The following VIPR1 variants were observed in gnomAD, a reference collection of about 807,000 sequenced individuals.
The protein encoded by VIPR1 is vasoactive intestinal peptide receptor 1.
A neutral mutation model predicts 58.8 loss-of-function variants in VIPR1; 59 were observed. The ratio of observed to expected loss-of-function variants is 1.00; its 90% CI spans 0.81 to 1.25. VIPR1 has a LOEUF of 1.25. Among genes scored for constraint, VIPR1 ranks in the 50% most tolerant of loss-of-function variants. The probability of loss-of-function intolerance (pLI) is 0.00; values close to 1 mark genes in which losing one functional copy is unlikely to be tolerated. For synonymous variants in VIPR1, 251 were observed against 242.1 expected (o/e 1.04, Z -0.34); for missense variants, 626 against 602.7 (o/e 1.04, Z -0.40).
intron 3 of VIPR1, among the ~76,000 whole-genome samples, chr3:42,525,248 G>A (rs1288796715): frequency 6.6e-6 from 1 of 152,072 alleles, no homozygotes; most frequent in Non-Finnish European, 1.5e-5. Context: ...AAGCCTCTGA[G>A]GACAGTGGAC....
Position 42,527,376 on chromosome 3 carries a change from C to T in VIPR1, c.400-17C>T. ...CCCACCCCACCACCCAAGAGCCTCT[C>T]CCTGTCCCTCCAACAGCAGCAGACC... On this transcript the variant is annotated splice_polypyrimidine_tract_variant and intron_variant, in intron 4 of 12. Coordinates refer to ENST00000325123, the MANE Select transcript of VIPR1 (RefSeq NM_004624.4). 1.2e-6 allele frequency: 2 copies of T among 1,611,690 alleles called. No individual in the cohort carries two copies. The highest frequency in any genetic ancestry group is 1.7e-6 in the Non-Finnish European group (2 of 1,178,202).
At chr3:42,497,669 G>A (rs1339508534), upstream of VIPR1, among the ~76,000 whole-genome samples, 1 of 152,150 alleles carries the variant, frequency 6.6e-6, no homozygotes, top group Non-Finnish European at 1.5e-5. Flanking sequence ...CCTGGTGGGA[G>A]ATAATTGAAT....
At position 42,531,849 on chromosome 3, in the gene VIPR1, C is replaced by G; in HGVS notation, c.898C>G (p.Pro300Ala). 1.2e-6 allele frequency: 2 copies of G among 1,614,150 alleles called. No individual in the cohort carries two copies. The highest frequency in any genetic ancestry group is 3.3e-4 in the Middle Eastern group (2 of 6,062). The part of the protein sequence containing the change: ...NSSLWWIIKG[P>A]ILTSILVNFI... ...CTCACTGTGGTGGATCATAAAGGGCCCCATCCTCACCTCCATCTTGGTAAG... is the reference window on the plus strand; with the variant it reads ...CTCACTGTGGTGGATCATAAAGGGCGCCATCCTCACCTCCATCTTGGTAAG... The change falls in exon 9 of 13, where the codon CCC (proline) becomes GCC (alanine). Residue 300 changes from proline (P) to alanine (A), a missense_variant. By Grantham distance (27) the Pro-to-Ala change is conservative. Transcript: ENST00000325123.
At chr3:42,499,230 C>G (rs954010712), upstream of VIPR1, among the ~76,000 whole-genome samples, 11 of 42,646 alleles carry the variant, frequency 2.6e-4, no homozygotes, top group African/African-American at 5.4e-4. Context: ...ACTCTGTGGC[C>G]CCCCCAGCCC....
At chr3:42,492,691 G>A (rs540605239) in intron 1 of VIPR1, among the ~76,000 whole-genome samples, 51 of 152,348 alleles carry the variant, frequency 3.3e-4, no homozygotes, top group African/African-American at 1.2e-3. Flanking sequence ...CCAGGCATTT[G>A]TTTTCAAGTG....
intron 1 of VIPR1, among the ~76,000 whole-genome samples, chr3:42,503,185 G>A (rs1418941023): frequency 6.6e-6 from 1 of 152,158 alleles, no homozygotes; most frequent in Non-Finnish European, 1.5e-5. Flanking sequence ...TTGGTACACC[G>A]TAGGTGAGAG....
In VIPR1 at chr3:42,490,973, C is replaced by T. The variant is rs553268808; in HGVS notation, c.-245+1295C>T. Among the ~76,000 whole-genome samples the T allele has an allele frequency of 3.9e-5, 6 of 152,194 alleles. No individual in the cohort carries two copies. In the South Asian group the frequency reaches 6.2e-4, roughly 16 times the overall value. On this transcript the variant is annotated intron_variant, in intron 1 of 13. Coordinates refer to the VIPR1 transcript ENST00000433647. The stretch of plus-strand genomic sequence containing the variant: ...CATCACTCAGGGCCTGGTAAGCGCT[C>T]GGAACTAAGGAGCCACAGGATCTCG...
chr3:42,532,625 A>G, intron 10 of VIPR1: 1 of 522,914 alleles, frequency 1.9e-6, no homozygotes, highest in Non-Finnish European at 3.5e-6. Flanking sequence ...GACACCGATG[A>G]CCTGTGTCTT....
chr3:42,526,243 G>C (rs1559492649), intron 4 of VIPR1, among the ~76,000 whole-genome samples: 1 of 152,218 alleles, frequency 6.6e-6, no homozygotes, highest in Non-Finnish European at 1.5e-5. Flanking sequence ...AGCTCCCCCA[G>C]GCTGGGCCAC....
intron 9 of VIPR1, 107 bp from the exon 10 acceptor site, chr3:42,532,135 G>A (rs1005680969): frequency 2.5e-6 from 3 of 1,180,804 alleles, no homozygotes; most frequent in East Asian, 2.4e-5. Context: ...GTAAGATAGA[G>A]AGAGGGGCAG....
At chr3:42,529,025 G>A (rs1701386167) in intron 6 of VIPR1, among the ~76,000 whole-genome samples, 1 of 152,180 alleles carries the variant, frequency 6.6e-6, no homozygotes, top group African/African-American at 2.4e-5. Context: ...TGAGCATTGT[G>A]AGCCACAGGA....
At position 42,531,521 on chromosome 3, in the gene VIPR1, G is replaced by T; in HGVS notation, c.841G>T (p.Glu281Ter). The change falls in exon 8 of 13, where the codon GAG becomes TAG. Residue 281 changes from glutamate to a stop codon, truncating the protein, a stop_gained. Transcript: ENST00000325123. LOFTEE classifies it high-confidence loss of function. ...MVWTIARIHFEDYGCWDTINS... is the reference protein window; with the variant it reads ...MVWTIARIHF ...GTGGACCATCGCCAGGATCCATTTT[G>T]AGGATTATGGGTGAGCTGCTGCCCC... 1.3e-6 allele frequency: 2 copies of T among 1,596,880 alleles called. No individual in the cohort carries two copies. The highest frequency in any genetic ancestry group is 2.3e-5 in the East Asian group (1 of 44,206).
In VIPR1 at chr3:42,513,676, A is replaced by G. The variant is rs1341405755; in HGVS notation, c.79-73A>G. 6.2e-6 allele frequency: 9 copies of G among 1,460,712 alleles called. No homozygotes were observed. In the Admixed American group the frequency reaches 1.6e-4, roughly 26 times the overall value. The allele number at this position is 1,460,712 out of a possible 1,614,324, so 90.5% of individuals were successfully genotyped here. A position where few individuals can be genotyped will look rare whatever the true frequency, so the allele number is the denominator to read the frequency against. On this transcript the variant is annotated intron_variant, in intron 1 of 12. Transcript: ENST00000325123. ...TCTCTTCCAGGGAGAGGGCAGGTGCAGTCCAGAGACTGGGCCTGGTGCTCC... is the reference window on the plus strand; with the variant it reads ...TCTCTTCCAGGGAGAGGGCAGGTGCGGTCCAGAGACTGGGCCTGGTGCTCC...
chr3:42,517,958 A>G (rs1035685800), intron 2 of VIPR1, among the ~76,000 whole-genome samples: 12 of 152,162 alleles, frequency 7.9e-5, no homozygotes, highest in Non-Finnish European at 1.3e-4. Context: ...CCTGGGCGAC[A>G]GAGCAAGACT....
chr3:42,513,746 C>T lies in VIPR1; in HGVS notation c.79-3C>T. ...GATGGGCCCTCCCTGTCTTTGTTCT[C>T]AGGGCGGCCAGGCGGCCAGGCTGCA... On this transcript the variant is annotated splice_polypyrimidine_tract_variant and splice_region_variant and intron_variant, in intron 1 of 12. Transcript: ENST00000325123. The T allele has an allele frequency of 1.9e-6, 3 of 1,551,252 alleles. No homozygotes were observed. Among genetic ancestry groups the T allele is most frequent in the Admixed American group, 2.0e-5 (1 of 50,994 alleles).
intron 1 of VIPR1, among the ~76,000 whole-genome samples, chr3:42,495,898 A>G (rs1366880645): frequency 6.6e-6 from 1 of 151,944 alleles, no homozygotes; most frequent in Admixed American, 6.6e-5. Flanking sequence ...CCTGAGCTTC[A>G]TATGAAAACA....
At chr3:42,513,892 C>T in intron 2 of VIPR1, 38 bp downstream of exon 2, 1 of 1,534,802 alleles carries the variant, frequency 6.5e-7, no homozygotes, top group South Asian at 1.2e-5. Context: ...TGCATGCCCC[C>T]AGGGAGCCCA....
chr3:42,498,147 G>A (rs868702554), upstream of VIPR1, among the ~76,000 whole-genome samples: 3 of 152,174 alleles, frequency 2.0e-5, no homozygotes, highest in East Asian at 1.9e-4. Flanking sequence ...CTGCAAAGGG[G>A]CATCACTTGG....
chr3:42,514,604 A>C (rs1462125009), intron 2 of VIPR1, among the ~76,000 whole-genome samples: 1 of 151,388 alleles, frequency 6.6e-6, no homozygotes, highest in African/African-American at 2.4e-5. Flanking sequence ...AAGCATACAC[A>C]TACAGGCAAA....
Sources: gnomAD v4.1 joint callset for allele counts (sites outside exome capture counted in the v4.1 genomes callset) on GRCh38, gnomAD v4.1.1 for gene constraint, MANE v1.5 for transcripts, NCBI Gene and HGNC (gene_info 2026-07-23, HGNC 2026-07-21) for gene names.